Variants in TMEM74 observed in about 807,000 individuals in gnomAD.
TMEM74 encodes the protein transmembrane protein 74.
TMEM74 carries 13 observed loss-of-function variants against 18.1 expected under a neutral mutation model. The ratio of observed to expected loss-of-function variants is 0.72; its 90% CI spans 0.47 to 1.14. The LOEUF is 1.14. Ranked by LOEUF, TMEM74 falls within the 50% of genes most tolerant of loss-of-function variation. The probability of loss-of-function intolerance (pLI) is 0.00; values close to 1 mark genes in which losing one functional copy is unlikely to be tolerated. For missense variants in TMEM74, 372 were observed against 375.9 expected, an observed-to-expected ratio of 0.99 and a Z score of 0.09; for synonymous variants, 159 against 146.6, an observed-to-expected ratio of 1.08 and a Z score of -0.61.
chr8:108,736,392 G>A (rs1257971261), intron 1 of TMEM74, among the ~76,000 whole-genome samples: 2 of 152,014 alleles, frequency 1.3e-5, no homozygotes, highest in African/African-American at 2.4e-5. Flanking sequence ...TAATGTCATA[G>A]GTTGTTCTCT....
chr8:108,611,651 T>A (rs1229723932), intron 2 of TMEM74, among the ~76,000 whole-genome samples: 2 of 152,208 alleles, frequency 1.3e-5, no homozygotes, highest in Non-Finnish European at 2.9e-5. Context: ...GATTTTTAAT[T>A]CTTCCTCAGC....
chr8:108,784,093 A>C lies in TMEM74; in HGVS notation c.*88T>G. On this transcript the variant is annotated 3_prime_UTR_variant, in exon 2 of 2. Coordinates refer to ENST00000297459, the MANE Select transcript of TMEM74 (RefSeq NM_153015.3). ...GTGAAATAAACTTTTCTTGCCAGGC[A>C]AATAAATTGCACTGTGAATTTTTAT... is the stretch of plus-strand genomic sequence containing the variant. The C allele has an allele frequency of 1.7e-6, 2 of 1,208,550 alleles. No individual in the cohort carries two copies. The highest frequency in any genetic ancestry group is 2.3e-6 in the Non-Finnish European group (2 of 876,234). 74.9% of individuals were successfully genotyped at this position (1,208,550 alleles called of 1,614,324 possible). A position where few individuals can be genotyped will look rare whatever the true frequency, so the allele number is the denominator to read the frequency against.
intron 2 of TMEM74, among the ~76,000 whole-genome samples, chr8:108,644,725 A>G (rs1291245801): frequency 6.6e-6 from 1 of 152,192 alleles, no homozygotes; most frequent in African/African-American, 2.4e-5. Context: ...GAAGACATAC[A>G]GTGGCCAACA....
chr8:108,673,432 A>G (rs1347334948), intron 1 of TMEM74, among the ~76,000 whole-genome samples: 3 of 152,204 alleles, frequency 2.0e-5, no homozygotes, highest in Non-Finnish European at 2.9e-5. Context: ...TATTGGCACC[A>G]AGAAATGAGG....
At chr8:108,648,506 G>A (rs1812742864) in intron 2 of TMEM74, among the ~76,000 whole-genome samples, 1 of 152,080 alleles carries the variant, frequency 6.6e-6, no homozygotes, top group Non-Finnish European at 1.5e-5. Flanking sequence ...TGGCAAAAGG[G>A]ACTTTGAAGA....
chr8:108,619,828 CTGTG>C (rs1370371697), intron 2 of TMEM74, among the ~76,000 whole-genome samples: 3 of 152,134 alleles, frequency 2.0e-5, no homozygotes, highest in Non-Finnish European at 1.5e-5. Flanking sequence ...TTTTAAATGT[CTGTG>C]TATTTCGAAG....
chr8:108,641,714 T>G (rs551490570), intron 2 of TMEM74, among the ~76,000 whole-genome samples: 2 of 152,274 alleles, frequency 1.3e-5, no homozygotes, highest in African/African-American at 2.4e-5. Context: ...GATAGTTAAT[T>G]TGAAAGCCAA....
chr8:108,744,434 G>T (rs1242447381), intron 1 of TMEM74, among the ~76,000 whole-genome samples: 1 of 152,128 alleles, frequency 6.6e-6, no homozygotes. Flanking sequence ...TTTACTAAGA[G>T]ATTTTTAGGA....
intron 1 of TMEM74, among the ~76,000 whole-genome samples, chr8:108,673,722 A>C (rs73308009): frequency 1.3e-5 from 2 of 152,218 alleles, no homozygotes; most frequent in Non-Finnish European, 2.9e-5. Flanking sequence ...TAGAGGGGAC[A>C]AAAAGAAAGT....
intron 1 of TMEM74, among the ~76,000 whole-genome samples, chr8:108,718,937 A>G (rs886700846): frequency 3.3e-5 from 5 of 151,466 alleles, no homozygotes; most frequent in African/African-American, 1.2e-4. Context: ...CATACTACAA[A>G]GTTAGATAGC....
intron 1 of TMEM74, among the ~76,000 whole-genome samples, chr8:108,676,187 T>C (rs1813054441): frequency 2.0e-5 from 3 of 152,250 alleles, no homozygotes; most frequent in Admixed American, 6.5e-5. Context: ...TCAGAACATA[T>C]GCAGGACCGC....
chr8:108,637,849 A>T (rs1812622707), intron 2 of TMEM74, among the ~76,000 whole-genome samples: 1 of 152,188 alleles, frequency 6.6e-6, no homozygotes, highest in Non-Finnish European at 1.5e-5. Flanking sequence ...GAAACAATTA[A>T]TGACAAGTCT....
chr8:108,698,068 TG>T (rs1285370883), intron 1 of TMEM74, among the ~76,000 whole-genome samples: 4 of 152,214 alleles, frequency 2.6e-5, no homozygotes, highest in African/African-American at 9.6e-5. Flanking sequence ...CTGCCTGTGC[TG>T]TGGCAATACT....
intron 1 of TMEM74, among the ~76,000 whole-genome samples, chr8:108,665,004 C>A (rs1002767989): frequency 6.7e-6 from 1 of 149,692 alleles, no homozygotes; most frequent in African/African-American, 2.4e-5. Context: ...TGGTTTGATC[C>A]AACTTAAAGC....
chr8:108,745,191 CA>C (rs1813837471), intron 1 of TMEM74, among the ~76,000 whole-genome samples: 1 of 152,040 alleles, frequency 6.6e-6, no homozygotes, highest in Non-Finnish European at 1.5e-5. Context: ...CTAATTTCCC[CA>C]TAGGTTCCTG....
At chr8:108,632,603 A>T (rs1395192889) in intron 2 of TMEM74, among the ~76,000 whole-genome samples, 1 of 152,052 alleles carries the variant, frequency 6.6e-6, no homozygotes, top group East Asian at 1.9e-4. Context: ...AGTCACATGA[A>T]GTAGAAAATG....
At chr8:108,679,182 A>G (rs1436030147) in intron 1 of TMEM74, among the ~76,000 whole-genome samples, 2 of 152,178 alleles carry the variant, frequency 1.3e-5, no homozygotes, top group African/African-American at 4.8e-5. Flanking sequence ...AGTCTTTGCT[A>G]TTGTGAATAG....
chr8:108,681,713 T>C (rs1813116970), intron 1 of TMEM74, among the ~76,000 whole-genome samples: 1 of 152,190 alleles, frequency 6.6e-6, no homozygotes. Context: ...GAGTTCCTTT[T>C]GGGGTGAAGA....
intron 1 of TMEM74, among the ~76,000 whole-genome samples, chr8:108,736,014 G>T (rs1459320137): frequency 4.0e-5 from 6 of 151,246 alleles, no homozygotes; most frequent in Non-Finnish European, 7.4e-5. Context: ...TGCAAAATAT[G>T]AAGTCCTAGC....
Sources: gnomAD v4.1 joint callset for allele counts (sites outside exome capture counted in the v4.1 genomes callset) on GRCh38, gnomAD v4.1.1 for gene constraint, MANE v1.5 for transcripts, NCBI Gene and HGNC (gene_info 2026-07-23, HGNC 2026-07-21) for gene names.